SLCO6A1: variants seen among roughly 807,000 people sequenced by gnomAD.
SLCO6A1 encodes the protein solute carrier organic anion transporter family member 6A1.
In SLCO6A1, 65 loss-of-function variants were observed where a neutral mutation model predicts 72.7. The ratio of observed to expected loss-of-function variants is 0.89; its 90% CI spans 0.73 to 1.10. SLCO6A1 has a LOEUF of 1.10. Among genes scored for constraint, SLCO6A1 ranks in the 50% least tolerant of loss-of-function variants. The pLI is 0.00. For missense variants in SLCO6A1, 874 were observed against 872.6 expected (o/e 1.00, Z -0.02); for synonymous variants, 314 against 298.2 (o/e 1.05, Z -0.55).
intron 1 of SLCO6A1, among the ~76,000 whole-genome samples, chr5:102,497,565 G>C (rs555120394): frequency 3.6e-4 from 55 of 152,282 alleles, no homozygotes; most frequent in African/African-American, 1.2e-3. Flanking sequence ...ACCCAAGTTC[G>C]TGCCAGCCGG....
intron 6 of SLCO6A1, among the ~76,000 whole-genome samples, chr5:102,451,342 G>T (rs913026343): frequency 7.2e-5 from 11 of 152,168 alleles, no homozygotes; most frequent in African/African-American, 1.7e-4. Context: ...ACTTTGTCTG[G>T]CAAGGTGTAG....
chr5:102,493,218 T>C (rs1238905306), intron 1 of SLCO6A1, among the ~76,000 whole-genome samples: 20 of 152,254 alleles, frequency 1.3e-4, no homozygotes, highest in South Asian at 2.1e-4. Flanking sequence ...AAGAAAACTG[T>C]AGAACAATAC....
rs1459253670 is a variant in SLCO6A1 at position 102,420,027 on chromosome 5, A to G, written c.1277-6T>C. On this transcript the variant is annotated splice_polypyrimidine_tract_variant and splice_region_variant and intron_variant, in intron 7 of 13. Transcript: ENST00000506729. ...TCCTGGAATTAAAACAAGTCCTAAAAAAAAGGAGGAGAAAAACACAGTTAA... is the reference window on the plus strand; with the variant it reads ...TCCTGGAATTAAAACAAGTCCTAAAGAAAAGGAGGAGAAAAACACAGTTAA... The G allele has an allele frequency of 1.3e-6, 2 of 1,561,180 alleles. No homozygotes were observed. Among genetic ancestry groups the G allele is most frequent in the East Asian group, 2.3e-5 (1 of 43,830 alleles).
chr5:102,488,808 T>C (rs947714988), intron 1 of SLCO6A1, among the ~76,000 whole-genome samples: 1 of 152,236 alleles, frequency 6.6e-6, no homozygotes, highest in Non-Finnish European at 1.5e-5. Context: ...AGATTTCCCA[T>C]TTTAAGGAAT....
chr5:102,487,379 G>A (rs990917510), intron 1 of SLCO6A1, among the ~76,000 whole-genome samples: 5 of 152,088 alleles, frequency 3.3e-5, no homozygotes, highest in Non-Finnish European at 5.9e-5. Flanking sequence ...GCCAAAAAAG[G>A]TATACTAGAA....
chr5:102,476,370 A>T (rs1387540763), intron 3 of SLCO6A1, among the ~76,000 whole-genome samples: 1 of 152,220 alleles, frequency 6.6e-6, no homozygotes, highest in Non-Finnish European at 1.5e-5. Context: ...AATTCAAGTA[A>T]GAGTTGATGT....
At chr5:102,473,082 A>T (rs1226987730) in intron 4 of SLCO6A1, among the ~76,000 whole-genome samples, 1 of 151,992 alleles carries the variant, frequency 6.6e-6, no homozygotes, top group Non-Finnish European at 1.5e-5. Context: ...CCTTCTCAAA[A>T]TCCTCCAAGT....
chr5:102,401,378 G>A (rs1175442041), intron 9 of SLCO6A1, among the ~76,000 whole-genome samples: 1 of 151,984 alleles, frequency 6.6e-6, no homozygotes, highest in East Asian at 1.9e-4. Flanking sequence ...AAAGAACTTT[G>A]GTTTTTATTT....
intron 3 of SLCO6A1, 111 bp downstream of exon 3, chr5:102,477,565 T>G (rs1561493655): frequency 5.0e-6 from 4 of 797,640 alleles, no homozygotes; most frequent in South Asian, 4.9e-5. Flanking sequence ...TATCATTTAT[T>G]ACAATGTTAT....
chr5:102,382,849 C>G (rs968925346), intron 12 of SLCO6A1, among the ~76,000 whole-genome samples: 3 of 150,682 alleles, frequency 2.0e-5, no homozygotes, highest in Non-Finnish European at 3.0e-5. Flanking sequence ...TTACTGAAAT[C>G]ACTTACTAGT....
intron 12 of SLCO6A1, among the ~76,000 whole-genome samples, chr5:102,375,069 C>T (rs1745706521): frequency 6.6e-6 from 1 of 152,068 alleles, no homozygotes; most frequent in Non-Finnish European, 1.5e-5. Flanking sequence ...AAATACAAAC[C>T]TTTACTCTGG....
At chr5:102,381,959 G>A (rs1022216295) in intron 12 of SLCO6A1, among the ~76,000 whole-genome samples, 1 of 151,228 alleles carries the variant, frequency 6.6e-6, no homozygotes, top group African/African-American at 2.4e-5. Context: ...TATATATTTT[G>A]AATATTAGCC....
chr5:102,452,309 A>AT (rs943409720), intron 6 of SLCO6A1, among the ~76,000 whole-genome samples: 3 of 151,980 alleles, frequency 2.0e-5, no homozygotes, highest in East Asian at 1.9e-4. Flanking sequence ...TCCAGGATTT[A>AT]TTTTTTTGCT....
intron 2 of SLCO6A1, among the ~76,000 whole-genome samples, chr5:102,479,003 C>CA (rs1490308159): frequency 1.3e-5 from 2 of 152,090 alleles, no homozygotes; most frequent in African/African-American, 4.8e-5. Flanking sequence ...GTTCCTTGAA[C>CA]TTTTTTCCTG....
intron 1 of SLCO6A1, among the ~76,000 whole-genome samples, chr5:102,491,758 C>T (rs549701326): frequency 6.6e-5 from 10 of 152,382 alleles, no homozygotes; most frequent in South Asian, 2.1e-4. Context: ...CTGAGGGAGC[C>T]GGCTCCGGCC....
intron 4 of SLCO6A1, among the ~76,000 whole-genome samples, chr5:102,467,385 C>A (rs1751363357): frequency 6.6e-6 from 1 of 151,862 alleles, no homozygotes; most frequent in Non-Finnish European, 1.5e-5. Flanking sequence ...GCACTAGAGC[C>A]TGGGTGACAG....
chr5:102,399,722 G>A lies in SLCO6A1; in HGVS notation c.1647C>T (p.Cys549=). The A allele has an allele frequency of 6.3e-7, 1 of 1,575,154 alleles. No individual in the cohort carries two copies. The highest frequency in any genetic ancestry group is 1.3e-5 in the African/African-American group (1 of 74,416). ...CTGCAGTTATTAATCCTTCTTTAAT[G>A]CAAGAACAATTGTAGTACATCTGTG... is the stretch of plus-strand genomic sequence containing the variant. ...NQKKMYYNCS[C]IKEGLITADA... The change falls in exon 10 of 14, where the codon TGC becomes TGT. Residue 549 remains cysteine, a synonymous_variant. Coordinates refer to ENST00000506729, the MANE Select transcript of SLCO6A1 (RefSeq NM_173488.5).
chr5:102,435,364 C>CTATAATAT (rs1445313523), intron 7 of SLCO6A1, among the ~76,000 whole-genome samples: 1 of 152,004 alleles, frequency 6.6e-6, no homozygotes, highest in Non-Finnish European at 1.5e-5. Context: ...TATTTATATT[C>CTATAATAT]TATAATATTA....
chr5:102,480,307 T>C lies in SLCO6A1; in HGVS notation c.486A>G (p.Ile162Met). The stretch of plus-strand genomic sequence containing the variant: ...CTTTTTTTCTGTCTCCATAGAATGC[T>C]ATAAATATTGCTACCAGGCCAGATG... ...DISSGLVAIF[I>M]AFYGDRKKVI... Residue 162 changes from isoleucine to methionine, a missense_variant, in exon 2 of 14, where the codon ATA becomes ATG. Physicochemically the swap from Ile to Met is conservative, Grantham distance 10. Coordinates refer to ENST00000506729, the MANE Select transcript of SLCO6A1 (RefSeq NM_173488.5). The C allele has an allele frequency of 6.2e-7, 1 of 1,613,616 alleles. No homozygotes were observed. The highest frequency in any genetic ancestry group is 8.5e-7 in the Non-Finnish European group (1 of 1,179,742).
Sources: allele counts gnomAD v4.1 joint callset (sites outside exome capture counted in the v4.1 genomes callset), GRCh38; gene constraint gnomAD v4.1.1; transcripts MANE v1.5; gene names NCBI Gene and HGNC (gene_info 2026-07-23, HGNC 2026-07-21).